Variants in CEP85L observed in about 807,000 individuals in gnomAD.
CEP85L encodes the protein centrosomal protein of 85 kDa-like.
In CEP85L, 60 loss-of-function variants were observed where a neutral mutation model predicts 100.3. The observed-to-expected ratio is 0.60, with a 90% CI of 0.49 to 0.74. The LOEUF (loss-of-function observed/expected upper bound fraction) is 0.74, where lower values mean the gene tolerates loss of function less well. CEP85L is among the 30% of genes least tolerant of loss of function. CEP85L has a pLI of 0.00. For missense variants in CEP85L, 973 were observed against 936.2 expected (o/e 1.04, Z -0.51); for synonymous variants, 319 against 322.7 (o/e 0.99, Z 0.12).
chr6:118,706,942 T>C (rs1777610808), intron 1 of CEP85L, among the ~76,000 whole-genome samples: 1 of 152,192 alleles, frequency 6.6e-6, no homozygotes, highest in Admixed American at 6.5e-5. Context: ...CATGGAGCTC[T>C]CATGAGCCAT....
intron 5 of CEP85L, chr6:118,501,610 T>A: frequency 1.7e-6 from 1 of 603,742 alleles, no homozygotes; most frequent in South Asian, 1.4e-5. Context: ...TATGTACTAA[T>A]GCCATGATTT....
chr6:118,558,902 C>T, intron 3 of CEP85L: 1 of 1,610,416 alleles, frequency 6.2e-7, no homozygotes, highest in Non-Finnish European at 8.5e-7. Flanking sequence ...AAACTTCAGA[C>T]TTCCTGTCCT....
At chr6:118,542,339 T>A (rs1177874367) in intron 3 of CEP85L, among the ~76,000 whole-genome samples, 3 of 152,190 alleles carry the variant, frequency 2.0e-5, no homozygotes, top group Admixed American at 1.3e-4. Flanking sequence ...ACTTTTTTTT[T>A]AAGTGCATTC....
intron 6 of CEP85L, among the ~76,000 whole-genome samples, chr6:118,484,111 A>G (rs183112199): frequency 6.6e-6 from 1 of 152,226 alleles, no homozygotes; most frequent in East Asian, 1.9e-4. Flanking sequence ...GGAGCTTGAG[A>G]CCAGCCTGGC....
At position 118,481,941 on chromosome 6, in the gene CEP85L, G is replaced by A; in HGVS notation, c.1591-8C>T. The A allele has an allele frequency of 6.6e-7, 1 of 1,507,900 alleles. No individual in the cohort carries two copies. The highest frequency in any genetic ancestry group is 8.9e-7 in the Non-Finnish European group (1 of 1,123,596). 93.4% of individuals were successfully genotyped at this position (1,507,900 alleles called of 1,614,324 possible). On this transcript the variant is annotated splice_region_variant and splice_polypyrimidine_tract_variant and intron_variant, in intron 7 of 12. Coordinates refer to ENST00000368491, the MANE Select transcript of CEP85L (RefSeq NM_001042475.3). ...TTCTTCCAGAATCTGCAGCTAAGGAGAAATGTTTTACAGTTCATTACACAT... is the reference window on the plus strand; with the variant it reads ...TTCTTCCAGAATCTGCAGCTAAGGAAAAATGTTTTACAGTTCATTACACAT...
rs559881825 is a variant in CEP85L at position 118,679,682 on chromosome 6, A to G, written c.-27-26874T>C. ...TAAATGTTCGGTGGGCCTATAGGAA[A>G]CAAAGGGCCCACTTGAGGGGCATTC... On this transcript the variant is annotated intron_variant, in intron 1 of 13. Coordinates refer to the CEP85L transcript ENST00000368488. 3.3e-5 allele frequency among the ~76,000 whole-genome samples: 5 copies of G among 152,280 alleles called. No homozygotes were observed. In the East Asian group the frequency reaches 9.7e-4, roughly 29 times the overall value.
chr6:118,629,689 A>C (rs1774019461), intron 2 of CEP85L, among the ~76,000 whole-genome samples: 1 of 152,232 alleles, frequency 6.6e-6, no homozygotes, highest in South Asian at 2.1e-4. Context: ...TGATCCAGCA[A>C]TTGAGCTCCT....
chr6:118,485,900 G>A (rs1001275465), intron 6 of CEP85L, among the ~76,000 whole-genome samples: 2 of 152,318 alleles, frequency 1.3e-5, no homozygotes, highest in Admixed American at 6.5e-5. Flanking sequence ...GGACTCAACT[G>A]TCTAAATGTC....
chr6:118,631,806 G>T (rs1409129879), intron 2 of CEP85L, among the ~76,000 whole-genome samples: 1 of 152,118 alleles, frequency 6.6e-6, no homozygotes, highest in East Asian at 1.9e-4. Flanking sequence ...TAAAGGAGAG[G>T]GGGCAGAGAG....
chr6:118,523,160 T>C (rs967236093), intron 4 of CEP85L, among the ~76,000 whole-genome samples: 3 of 152,170 alleles, frequency 2.0e-5, no homozygotes, highest in Non-Finnish European at 4.4e-5. Flanking sequence ...TACAACATAT[T>C]TAATTATCCC....
chr6:118,661,622 CA>C (rs1178658347), intron 1 of CEP85L, among the ~76,000 whole-genome samples: 3 of 151,198 alleles, frequency 2.0e-5, no homozygotes, highest in African/African-American at 4.8e-5. Context: ...CTTTGTTTTA[CA>C]AAAAAAATCA....
chr6:118,676,339 C>T (rs1776481511), intron 1 of CEP85L, among the ~76,000 whole-genome samples: 1 of 151,618 alleles, frequency 6.6e-6, no homozygotes. Context: ...CCAACCCTAC[C>T]CTCATCCCCT....
At chr6:118,631,995 A>G (rs994923500) in intron 2 of CEP85L, among the ~76,000 whole-genome samples, 2 of 152,048 alleles carry the variant, frequency 1.3e-5, no homozygotes, top group African/African-American at 4.8e-5. Flanking sequence ...TAGAGGGACA[A>G]TTTTCTTTTT....
At chr6:118,589,241 A>T (rs1042920703) in intron 2 of CEP85L, 1 of 225,512 alleles carries the variant, frequency 4.4e-6, no homozygotes. Flanking sequence ...CTATGAGACC[A>T]TGACTAAACT....
intron 4 of CEP85L, among the ~76,000 whole-genome samples, chr6:118,513,864 CATAAG>C (rs1776111435): frequency 6.6e-6 from 1 of 151,858 alleles, no homozygotes; most frequent in Non-Finnish European, 1.5e-5. Context: ...CAAATAAATA[CATAAG>C]ATATTTTTCT....
chr6:118,644,775 C>G (rs1050725449), intron 1 of CEP85L, among the ~76,000 whole-genome samples: 1 of 152,170 alleles, frequency 6.6e-6, no homozygotes, highest in Non-Finnish European at 1.5e-5. Context: ...CAAATCCAAT[C>G]TAACCATTCT....
intron 1 of CEP85L, among the ~76,000 whole-genome samples, chr6:118,660,406 G>A (rs1562346083): frequency 6.6e-6 from 1 of 152,228 alleles, no homozygotes; most frequent in South Asian, 2.1e-4. Context: ...GAGTACTGCT[G>A]CAGTCAGGAG....
chr6:118,575,773 G>A (rs757485531), intron 2 of CEP85L, among the ~76,000 whole-genome samples: 8 of 151,960 alleles, frequency 5.3e-5, no homozygotes, highest in South Asian at 2.1e-4. Flanking sequence ...ACAAACCCTC[G>A]CTAAGCAAGT....
intron 2 of CEP85L, among the ~76,000 whole-genome samples, chr6:118,581,668 G>A (rs1290077070): frequency 6.6e-6 from 1 of 152,004 alleles, no homozygotes; most frequent in Non-Finnish European, 1.5e-5. Context: ...TCTCCACCCT[G>A]AGTCATACAC....
Sources: allele counts gnomAD v4.1 joint callset (sites outside exome capture counted in the v4.1 genomes callset), GRCh38; gene constraint gnomAD v4.1.1; transcripts MANE v1.5; gene names NCBI Gene and HGNC (gene_info 2026-07-23, HGNC 2026-07-21).